STYXL1: variants seen among roughly 807,000 people sequenced by gnomAD.
STYXL1 encodes the protein serine/threonine/tyrosine interacting like 1.
Under a neutral mutation model 36.4 loss-of-function variants are expected in STYXL1, and 32 were observed. The ratio of observed to expected loss-of-function variants is 0.88; its 90% CI spans 0.66 to 1.18. The LOEUF is 1.18. Among genes scored for constraint, STYXL1 ranks in the 50% most tolerant of loss-of-function variants. STYXL1 has a pLI of 0.00. For missense variants in STYXL1, 354 were observed against 394.1 expected (o/e 0.90, Z 0.86); for synonymous variants, 133 against 144.1 (o/e 0.92, Z 0.55).
At chr7:76,002,258 G>C (rs569860456) in intron 7 of STYXL1, among the ~76,000 whole-genome samples, 11 of 152,160 alleles carry the variant, frequency 7.2e-5, no homozygotes, top group African/African-American at 2.7e-4. Context: ...CCAGTGCCTG[G>C]CACAGAAATA....
chr7:76,022,475 C>A (rs1438287966), intron 3 of STYXL1, among the ~76,000 whole-genome samples: 1 of 147,976 alleles, frequency 6.8e-6, no homozygotes, highest in Non-Finnish European at 1.5e-5. Context: ...GCCTGGACAA[C>A]AGCAAGATCC....
chr7:75,997,543 G>A (rs558532013), intron 8 of STYXL1, among the ~76,000 whole-genome samples: 1 of 152,152 alleles, frequency 6.6e-6, no homozygotes, highest in African/African-American at 2.4e-5. Flanking sequence ...CTCTAAGATC[G>A]GGAACAAGGC....
chr7:76,033,398 G>A (rs140883849), intron 1 of STYXL1, among the ~76,000 whole-genome samples: 553 of 152,088 alleles, frequency 3.6e-3, no homozygotes, highest in African/African-American at 0.013. Context: ...CTCCCTCCTC[G>A]GCCTCCCAAA....
chr7:76,021,491 C>A (rs1252468030), intron 4 of STYXL1, among the ~76,000 whole-genome samples: 1 of 152,168 alleles, frequency 6.6e-6, no homozygotes, highest in Non-Finnish European at 1.5e-5. Context: ...AAACCACTGA[C>A]ATCAGCTGGT....
At chr7:76,014,018 GC>G in intron 4 of STYXL1, 131 bp from the exon 5 acceptor site, 1 of 963,022 alleles carries the variant, frequency 1.0e-6, no homozygotes, top group Non-Finnish European at 1.5e-6. Flanking sequence ...TCACTCTGTC[GC>G]CCAGGCTGGA....
Position 76,033,762 on chromosome 7 carries a change from G to A in STYXL1, c.-4-3235C>T, listed in dbSNP as rs540717853. On this transcript the variant is annotated intron_variant, in intron 1 of 8. Coordinates refer to ENST00000359697, the MANE Select transcript of STYXL1 (RefSeq NM_001317785.2). ...ATCTGTTCTTCTTTCCAGCAGAAGC[G>A]TGGAAAGAGAAACACCATCTCTCAA... Among the ~76,000 whole-genome samples, 6 of 152,158 alleles carry A rather than the reference G, an allele frequency of 3.9e-5. No homozygotes were observed. The East Asian group carries it at 5.8e-4, about 15-fold the overall frequency.
chr7:76,009,329 C>T (rs969095704), intron 5 of STYXL1, among the ~76,000 whole-genome samples: 1 of 151,302 alleles, frequency 6.6e-6, no homozygotes, highest in Non-Finnish European at 1.5e-5. Flanking sequence ...CCGTCACCCA[C>T]GCCTAAAACC....
intron 1 of STYXL1, among the ~76,000 whole-genome samples, chr7:76,042,390 C>CTGTTTTTTTTT (rs1796553241): frequency 2.4e-5 from 1 of 41,816 alleles, no homozygotes; most frequent in Non-Finnish European, 5.3e-5. Context: ...CCCTTATGTG[C>CTGTTTTTTTTT]TTTTTTTTTT....
chr7:76,005,326 C>CA lies in STYXL1; in HGVS notation c.531dup (p.Asp178Ter). ...TTCAAGTCCTTCTGAATCTTGGGGT[C>CA]ACAGGCTTGACTGAAATTGCCAACG... On this transcript the variant is annotated frameshift_variant, in exon 6 of 9. Coordinates refer to ENST00000359697, the MANE Select transcript of STYXL1 (RefSeq NM_001317785.2). LOFTEE classifies it high-confidence loss of function. 1 of 1,613,318 alleles carries CA rather than the reference C, an allele frequency of 6.2e-7. No individual in the cohort carries two copies. Among genetic ancestry groups the CA allele is most frequent in the South Asian group, 1.1e-5 (1 of 91,026 alleles).
At chr7:76,016,441 G>C (rs183163081) in intron 4 of STYXL1, among the ~76,000 whole-genome samples, 1 of 145,520 alleles carries the variant, frequency 6.9e-6, no homozygotes, top group African/African-American at 2.7e-5. Flanking sequence ...ACATATATAC[G>C]CATATATACA....
chr7:76,043,728 A>T (rs1554582763), intron 1 of STYXL1, among the ~76,000 whole-genome samples: 1 of 152,184 alleles, frequency 6.6e-6, no homozygotes, highest in Non-Finnish European at 1.5e-5. Context: ...CCACCAACAC[A>T]GGATGCCTCA....
At chr7:76,030,646 C>A in intron 1 of STYXL1, 119 bp from the exon 2 acceptor site, 1 of 649,406 alleles carries the variant, frequency 1.5e-6, no homozygotes, top group South Asian at 1.8e-5. Context: ...TGACAGTAAT[C>A]ATGTAAATGA....
intron 5 of STYXL1, among the ~76,000 whole-genome samples, chr7:76,009,559 T>C (rs563645301): frequency 9.2e-5 from 14 of 152,260 alleles, no homozygotes; most frequent in East Asian, 7.7e-4. Context: ...TACAGGCATG[T>C]GCCACCACAC....
intron 2 of STYXL1, among the ~76,000 whole-genome samples, chr7:76,029,582 C>T (rs1020421582): frequency 6.6e-6 from 1 of 152,130 alleles, no homozygotes; most frequent in East Asian, 1.9e-4. Context: ...AAGCCCATTA[C>T]ATTTTTTGTG....
chr7:76,024,109 C>G (rs1554577015), intron 3 of STYXL1, among the ~76,000 whole-genome samples: 1 of 152,054 alleles, frequency 6.6e-6, no homozygotes, highest in African/African-American at 2.4e-5. Flanking sequence ...AACTCTTGAG[C>G]TCAAGCAAAC....
intron 3 of STYXL1, among the ~76,000 whole-genome samples, chr7:76,022,438 T>C (rs546802213): frequency 3.0e-4 from 46 of 151,718 alleles, no homozygotes; most frequent in African/African-American, 1.1e-3. Flanking sequence ...GGCAGGAGGA[T>C]TGCTTGAGGC....
chr7:76,021,654 G>C (rs889031826), intron 4 of STYXL1, among the ~76,000 whole-genome samples, 197 bp downstream of exon 4: 1 of 152,070 alleles, frequency 6.6e-6, no homozygotes, highest in African/African-American at 2.4e-5. Context: ...ACTCCTTGGG[G>C]AAATGTATTT....
chr7:76,047,108 T>A (rs1388264980), intron 1 of STYXL1, among the ~76,000 whole-genome samples: 1 of 140,500 alleles, frequency 7.1e-6, no homozygotes. Flanking sequence ...AAAAAAAAAA[T>A]ACAAAAAATT....
intron 4 of STYXL1, among the ~76,000 whole-genome samples, chr7:76,018,981 A>G (rs978057140): frequency 1.1e-4 from 17 of 152,182 alleles, no homozygotes; most frequent in Non-Finnish European, 2.2e-4. Context: ...TCTCACCAAC[A>G]CTTATTATCA....
Sources: allele counts gnomAD v4.1 joint callset (sites outside exome capture counted in the v4.1 genomes callset), GRCh38; gene constraint gnomAD v4.1.1; transcripts MANE v1.5; gene names NCBI Gene and HGNC (gene_info 2026-07-23, HGNC 2026-07-21).